C10orf105: variants seen among roughly 807,000 people sequenced by gnomAD.
C10orf105 encodes chromosome 10 open reading frame 105.
Under a neutral mutation model 0.6 loss-of-function variants are expected in C10orf105, and 2 were observed. The ratio of observed to expected loss-of-function variants is 3.18; its 90% CI spans 1.30 to 10.01. C10orf105 has a LOEUF of 10.01. Among genes scored for constraint, C10orf105 ranks in the 30% most tolerant of loss-of-function variants. C10orf105 has a pLI of 0.04. For synonymous variants in C10orf105, 95 were observed against 82.4 expected (o/e 1.15, Z -0.83); for missense variants, 209 against 191.4 (o/e 1.09, Z -0.54).
At chr10:71,735,402 G>A (rs1365764995) in intron 1 of C10orf105, among the ~76,000 whole-genome samples, 2 of 152,188 alleles carry the variant, frequency 1.3e-5, no homozygotes, top group South Asian at 2.1e-4. Flanking sequence ...CGGCCTGAAG[G>A]GAGAGGCAGG....
intron 1 of C10orf105, among the ~76,000 whole-genome samples, chr10:71,727,831 G>C (rs1866885270): frequency 6.6e-6 from 1 of 152,220 alleles, no homozygotes; most frequent in Admixed American, 6.5e-5. Flanking sequence ...AGGAAGCCCA[G>C]TTGCTCCCAC....
At chr10:71,730,006 T>G (rs1839310372) in intron 1 of C10orf105, among the ~76,000 whole-genome samples, 1 of 152,038 alleles carries the variant, frequency 6.6e-6, no homozygotes, top group Non-Finnish European at 1.5e-5. Context: ...GGCTAATTTT[T>G]TGTATTTTTA....
At position 71,715,429 on chromosome 10, in the gene C10orf105, C is replaced by T. The variant is rs1866168075; in HGVS notation, c.*507G>A. The T allele has an allele frequency of 6.6e-6, 1 of 152,486 alleles. No homozygotes were observed. Among genetic ancestry groups the T allele is most frequent in the Non-Finnish European group, 1.5e-5 (1 of 68,252 alleles). 9.4% of individuals were successfully genotyped at this position (152,486 alleles called of 1,614,324 possible). Reference sequence around the variant, plus strand: ...CAGATGCTGGCAGCACCCGGGAAACCCAAGGAAGAGAGCCCCGAGGTTTTG... The same window carrying T: ...CAGATGCTGGCAGCACCCGGGAAACTCAAGGAAGAGAGCCCCGAGGTTTTG... On this transcript the variant is annotated 3_prime_UTR_variant, in exon 2 of 2. Transcript: ENST00000441508.
intron 1 of C10orf105, 122 bp from the exon 2 acceptor site, chr10:71,716,464 A>G (rs1218800265): frequency 1.4e-6 from 1 of 730,992 alleles, no homozygotes; most frequent in South Asian, 2.0e-5. Context: ...GGACAGCATC[A>G]TGGCCACATC....
chr10:71,725,588 G>A, intron 1 of C10orf105: 1 of 1,536,788 alleles, frequency 6.5e-7, no homozygotes, highest in South Asian at 1.2e-5. Flanking sequence ...GAACAGAGAA[G>A]GCCATTAGTT....
At chr10:71,731,921 G>T in intron 1 of C10orf105, 2 of 1,527,640 alleles carry the variant, frequency 1.3e-6, no homozygotes, top group East Asian at 2.3e-5. Flanking sequence ...GTGGCAGCTT[G>T]AGAAGCCACA....
rs571668370 is a variant in C10orf105, at chr10:71,734,314, C to T, written c.-6+3414G>A. On this transcript the variant is annotated intron_variant, in intron 1 of 1. Transcript: ENST00000398786. The stretch of plus-strand genomic sequence containing the variant: ...ATACCTTGACAGTGGTGGCAGATGA[C>T]GGCGGCCCCAAGGTGGACTCCACCG... The T allele has an allele frequency of 7.4e-6, 12 of 1,611,258 alleles. No homozygotes were observed. Among genetic ancestry groups the T allele is most frequent in the South Asian group, 3.3e-5 (3 of 90,440 alleles).
At chr10:71,736,049 G>T (rs1839555711) in intron 1 of C10orf105, among the ~76,000 whole-genome samples, 1 of 152,270 alleles carries the variant, frequency 6.6e-6, no homozygotes, top group South Asian at 2.1e-4. Flanking sequence ...TGGGAGGAGA[G>T]GCCAGTGGGA....
intron 1 of C10orf105, chr10:71,732,405 T>A: frequency 6.4e-7 from 1 of 1,552,054 alleles, no homozygotes. Context: ...GAGCACCATT[T>A]CTTCCAATCT....
At chr10:71,737,645 G>T in intron 1 of C10orf105, 1 of 465,272 alleles carries the variant, frequency 2.1e-6, no homozygotes. Flanking sequence ...GGGCAGGGCA[G>T]TGGGAGAAGG....
At chr10:71,720,158 G>A (rs1009143016), upstream of C10orf105, among the ~76,000 whole-genome samples, 2 of 152,202 alleles carry the variant, frequency 1.3e-5, no homozygotes, top group Non-Finnish European at 2.9e-5. Context: ...CAGGAGGGGA[G>A]CAGGGAGAGT....
intron 1 of C10orf105, among the ~76,000 whole-genome samples, chr10:71,727,835 C>A (rs1866885407): frequency 6.6e-6 from 1 of 152,232 alleles, no homozygotes; most frequent in Admixed American, 6.5e-5. Context: ...AGCCCAGTTG[C>A]TCCCACTTGC....
chr10:71,720,144 A>G (rs7098632), upstream of C10orf105, among the ~76,000 whole-genome samples: 25,027 of 152,184 alleles, frequency 0.16, 4,318 homozygotes, highest in African/African-American at 0.42. Flanking sequence ...GCTACAAGCC[A>G]TGGCAGGAGG....
chr10:71,712,805 A>T lies in C10orf105; in HGVS notation c.*3131T>A, dbSNP rs200542052. On this transcript the variant is annotated 3_prime_UTR_variant, in exon 2 of 2. Transcript: ENST00000441508. ...TGAGGACATCCCTGAAGGCCACAGC[A>T]TCTTGCAGGCAGGTGGCCCGTGGCC... 384 of 1,612,118 alleles carry T rather than the reference A, an allele frequency of 2.4e-4. No individual in the cohort carries two copies. In the African/African-American group the frequency reaches 4.5e-3, roughly 19 times the overall value.
rs1252162825 is a variant in C10orf105 at position 71,732,343 on chromosome 10, G to C, written c.-6+5385C>G. 3.8e-6 allele frequency: 6 copies of C among 1,579,838 alleles called. No individual in the cohort carries two copies. The highest frequency in any genetic ancestry group is 5.2e-6 in the Non-Finnish European group (6 of 1,162,526). On this transcript the variant is annotated intron_variant, in intron 1 of 1. Transcript: ENST00000398786. ...CTTCAACGCCTACACCAGCACCCAG[G>C]CCAAAGCCCTCTTCAAGATAGACGC...
intron 1 of C10orf105, chr10:71,725,500 C>T: frequency 5.6e-6 from 9 of 1,613,590 alleles, no homozygotes; most frequent in Non-Finnish European, 7.6e-6. Flanking sequence ...CGACCTGGGC[C>T]CCATGCGGAG....
At chr10:71,732,969 C>T (rs528410705) in intron 1 of C10orf105, among the ~76,000 whole-genome samples, 2 of 152,236 alleles carry the variant, frequency 1.3e-5, no homozygotes, top group South Asian at 4.1e-4. Flanking sequence ...CAGTAGACAC[C>T]ATAGTGTCAG....
chr10:71,724,800 T>A (rs1213891683), intron 1 of C10orf105, among the ~76,000 whole-genome samples: 1 of 152,172 alleles, frequency 6.6e-6, no homozygotes, highest in African/African-American at 2.4e-5. Context: ...AATGTGCTGA[T>A]CCTCCCACTT....
rs764805425 is a variant in C10orf105 at position 71,730,601 on chromosome 10, T to G, written c.-6+7127A>C. 3 of 1,613,760 alleles carry G rather than the reference T, an allele frequency of 1.9e-6. No homozygotes were observed. The highest frequency in any genetic ancestry group is 2.5e-6 in the Non-Finnish European group (3 of 1,179,870). On this transcript the variant is annotated intron_variant, in intron 1 of 1. Transcript: ENST00000398786. ...CGTGGTCCAAGCCACAGACCGAGAC[T>G]CTGGTGAGGCTGGCAGGAGGAAGCC...
Sources: allele counts gnomAD v4.1 joint callset (sites outside exome capture counted in the v4.1 genomes callset), GRCh38; gene constraint gnomAD v4.1.1; transcripts MANE v1.5; gene names NCBI Gene and HGNC (gene_info 2026-07-23, HGNC 2026-07-21).